Variants in CPLANE1 observed in about 807,000 individuals in gnomAD.
CPLANE1 encodes the protein ciliogenesis and planar polarity effector complex subunit 1.
A neutral mutation model predicts 362.5 loss-of-function variants in CPLANE1; 263 were observed. That is an observed-to-expected ratio of 0.73 (90% CI 0.66 to 0.80). The LOEUF (loss-of-function observed/expected upper bound fraction) is 0.80. Ranked by LOEUF, CPLANE1 falls within the 30% of genes least tolerant of loss-of-function variation. The probability of loss-of-function intolerance (pLI) is 0.00; values close to 1 mark genes in which losing one functional copy is unlikely to be tolerated. For missense variants in CPLANE1, 3,461 were observed against 3,793.4 expected, an observed-to-expected ratio of 0.91 and a Z score of 2.30; for synonymous variants, 1,212 against 1,302.6, an observed-to-expected ratio of 0.93 and a Z score of 1.50.
At chr5:37,198,629 T>C in intron 20 of CPLANE1, 73 bp downstream of exon 20, 1 of 1,401,468 alleles carries the variant, frequency 7.1e-7, no homozygotes. Context: ...AATATAACAA[T>C]TATAAAAACA....
intron 16 of CPLANE1, chr5:37,210,870 C>T (rs767514085): frequency 8.7e-6 from 7 of 801,192 alleles, no homozygotes; most frequent in East Asian, 2.4e-5. Context: ...GTTCGAAAGC[C>T]GCAAACAAGC....
intron 27 of CPLANE1, 132 bp downstream of exon 27, chr5:37,180,725 C>G (rs1249652602): frequency 4.1e-6 from 3 of 737,994 alleles, no homozygotes; most frequent in Non-Finnish European, 6.6e-6. Flanking sequence ...CCTCAGAAAG[C>G]TCACTGCCTG....
intron 23 of CPLANE1, 148 bp from the exon 24 acceptor site, chr5:37,186,542 T>C (rs1784046916): frequency 1.7e-6 from 1 of 577,706 alleles, no homozygotes; most frequent in South Asian, 2.3e-5. Context: ...TCTGAGCATC[T>C]GTCTGCTAAT....
chr5:37,239,337 T>C (rs1799753408), intron 7 of CPLANE1, among the ~76,000 whole-genome samples: 1 of 152,082 alleles, frequency 6.6e-6, no homozygotes, highest in South Asian at 2.1e-4. Context: ...TCCCAGCACT[T>C]TGGGAGGCTG....
At position 37,169,142 on chromosome 5, in the gene CPLANE1, T is replaced by C. The variant is rs1580367666; in HGVS notation, c.6882A>G (p.Arg2294=). ...ACGTCTTCTGCTCAACTTCTTTTTT[T>C]CTGGCTTCAGTGTTATACTGGCTTA... ...LNVSQYNTEA[R]KKEVEQKTWA... Residue 2294 remains arginine, a synonymous_variant, in exon 34 of 53, where the codon AGA becomes AGG. Coordinates refer to ENST00000651892, the MANE Select transcript of CPLANE1 (RefSeq NM_001384732.1). 6.2e-7 allele frequency: 1 copy of C among 1,614,240 alleles called. No individual in the cohort carries two copies.
At chr5:37,233,333 A>T (rs971960206) in intron 8 of CPLANE1, among the ~76,000 whole-genome samples, 7 of 152,042 alleles carry the variant, frequency 4.6e-5, no homozygotes, top group African/African-American at 1.7e-4. Flanking sequence ...CTGAGATGTG[A>T]GCAGGCTGCA....
rs940635848 is a variant in CPLANE1, at chr5:37,194,882, G to A, written c.3811+976C>T. On this transcript the variant is annotated intron_variant, in intron 21 of 52. Transcript: ENST00000651892. ...ATAAGATCAGGGCTGGCCAGGCGCG[G>A]TGGCTCACACCTGTAATCCCAGCAC... is the stretch of plus-strand genomic sequence containing the variant. Among the ~76,000 whole-genome samples the A allele has an allele frequency of 9.9e-5, 15 of 151,972 alleles. 1 individual carries two copies. Among genetic ancestry groups the A allele is most frequent in the Non-Finnish European group, 2.2e-4 (15 of 67,974 alleles).
intron 23 of CPLANE1, among the ~76,000 whole-genome samples, chr5:37,187,006 A>G (rs1784195584): frequency 1.4e-5 from 2 of 140,726 alleles, no homozygotes; most frequent in Admixed American, 1.6e-4. Context: ...GCTTGCAGTG[A>G]GCCGAGATCG....
the CPLANE1 span, among the ~76,000 whole-genome samples, chr5:37,089,856 T>G: frequency 6.6e-6 from 1 of 152,188 alleles, no homozygotes; most frequent in Non-Finnish European, 1.5e-5. Context: ...CTGCCATGTG[T>G]CAGTATCATG....
intron 51 of CPLANE1, among the ~76,000 whole-genome samples, chr5:37,109,859 A>G (rs1758618434): frequency 1.3e-5 from 2 of 152,066 alleles, no homozygotes; most frequent in South Asian, 4.2e-4. Flanking sequence ...GTTTCACCAT[A>G]TTGGCCAGGC....
chr5:37,163,822 C>T lies in CPLANE1; in HGVS notation c.7588+451G>A, dbSNP rs149964814. 4.1e-4 allele frequency among the ~76,000 whole-genome samples: 63 copies of T among 152,304 alleles called. 1 individual carries two copies. The East Asian group carries it at 0.012, about 29-fold the overall frequency. On this transcript the variant is annotated intron_variant, in intron 37 of 52. Coordinates refer to ENST00000651892, the MANE Select transcript of CPLANE1 (RefSeq NM_001384732.1). ...GTTAGAACTACCAGCCCCCAATTCA[C>T]TCATCCTACTGCCACTTCTGGGAAA...
At chr5:37,223,162 G>A (rs2150380980) in intron 14 of CPLANE1, among the ~76,000 whole-genome samples, 1 of 152,280 alleles carries the variant, frequency 6.6e-6, no homozygotes, top group African/African-American at 2.4e-5. Context: ...ACTACTTGAA[G>A]TTTACCAAAT....
rs575049365 is a variant in CPLANE1 at position 37,169,386 on chromosome 5, A to G, written c.6638T>C (p.Ile2213Thr). 5.6e-6 allele frequency: 9 copies of G among 1,614,216 alleles called. No individual in the cohort carries two copies. Among genetic ancestry groups the G allele is most frequent in the African/African-American group, 1.3e-5 (1 of 75,070 alleles). Residue 2213 changes from isoleucine to threonine, a missense_variant, in exon 34 of 53, where the codon ATC (isoleucine) becomes ACC (threonine). Around this residue, in one of 2 missense-constraint regions of CPLANE1, gnomAD observed 3,380 missense variants for 3,666.1 expected, o/e 0.92. Transcript: ENST00000651892. ...AGGACTAAATGTTTTTGCATGTGGG[A>G]TAAGTCTAGGTGCCTTCTGAACAAC... is the stretch of plus-strand genomic sequence containing the variant. ...PSVVQKAPRL[I>T]PHAKTFSPGD...
intron 21 of CPLANE1, among the ~76,000 whole-genome samples, chr5:37,190,804 C>T (rs1293557152): frequency 6.6e-6 from 1 of 152,154 alleles, no homozygotes; most frequent in Non-Finnish European, 1.5e-5. Context: ...CCACACATTA[C>T]TCAGGTGTTT....
At chr5:37,204,667 A>G (rs1008439488) in intron 18 of CPLANE1, among the ~76,000 whole-genome samples, 25 of 152,052 alleles carry the variant, frequency 1.6e-4, no homozygotes, top group Non-Finnish European at 3.4e-4. Context: ...TACTCTCAAC[A>G]TAGTCTCTGG....
At position 37,239,781 on chromosome 5, in the gene CPLANE1, C is replaced by A; in HGVS notation, c.766G>T (p.Ala256Ser). The part of the protein sequence containing the change: ...PKCESVKSRG[A>S]LISAFSRDGL... Reference sequence around the variant, plus strand: ...TCTCTTGAAAAGGCAGAAATTAGAGCTCCTCTTGACTTTACTGATTCACAT... The same window carrying A: ...TCTCTTGAAAAGGCAGAAATTAGAGATCCTCTTGACTTTACTGATTCACAT... Residue 256 changes from alanine to serine, a missense_variant, in exon 7 of 53, where the codon GCT (alanine) becomes TCT (serine). By Grantham distance (99) the Ala-to-Ser change is moderately conservative. Around this residue, in one of 2 missense-constraint regions of CPLANE1, gnomAD observed 3,380 missense variants for 3,666.1 expected, o/e 0.92. Transcript: ENST00000651892. The A allele has an allele frequency of 1.9e-6, 3 of 1,546,200 alleles. No individual in the cohort carries two copies. Among genetic ancestry groups the A allele is most frequent in the Non-Finnish European group, 2.6e-6 (3 of 1,144,034 alleles).
At chr5:37,078,000 G>T in the CPLANE1 span, among the ~76,000 whole-genome samples, 1 of 152,062 alleles carries the variant, frequency 6.6e-6, no homozygotes, top group Non-Finnish European at 1.5e-5. Flanking sequence ...CGATCCTCCT[G>T]CGTCAGCCTC....
rs1561517214 is a variant in CPLANE1, at chr5:37,180,971, C to A, written c.5456G>T (p.Gly1819Val). ...TTTGCTCTCCCTCTCAATATTGGGT[C>A]CAATCTGACACCCAGTGTCACGATT... ...VENRDTGCQIGPNIERESKSD... is the reference protein window; with the variant it reads ...VENRDTGCQIVPNIERESKSD... Residue 1819 changes from glycine (G) to valine (V), a missense_variant, in exon 27 of 53, where the codon GGA (glycine) becomes GTA (valine). Transcript: ENST00000651892. The A allele has an allele frequency of 6.2e-7, 1 of 1,614,034 alleles. No individual in the cohort carries two copies. The highest frequency in any genetic ancestry group is 2.2e-5 in the East Asian group (1 of 44,872).
chr5:37,089,667 C>G, the CPLANE1 span, among the ~76,000 whole-genome samples: 25 of 152,252 alleles, frequency 1.6e-4, no homozygotes, highest in African/African-American at 6.0e-4. Context: ...GCTCCCTTCC[C>G]CCACGGCGAT....
Sources: gnomAD v4.1 joint callset for allele counts (sites outside exome capture counted in the v4.1 genomes callset) on GRCh38, gnomAD v4.1.1 for gene constraint, gnomAD v4.1.1 regional missense constraint, MANE v1.5 for transcripts, NCBI Gene and HGNC (gene_info 2026-07-23, HGNC 2026-07-21) for gene names.